GRID1: variants seen among roughly 807,000 people sequenced by gnomAD.
The protein encoded by GRID1 is glutamate receptor ionotropic, delta-1.
A neutral mutation model predicts 98.0 loss-of-function variants in GRID1; 28 were observed. The observed-to-expected ratio is 0.29, with a 90% CI of 0.21 to 0.39. The LOEUF (loss-of-function observed/expected upper bound fraction) is 0.39, where lower values mean the gene tolerates loss of function less well. Ranked by LOEUF, GRID1 falls within the 10% of genes least tolerant of loss-of-function variation. The pLI, the probability that GRID1 is intolerant of heterozygous loss-of-function variation, is 1.00. For synonymous variants in GRID1, 553 were observed against 538.5 expected (o/e 1.03, Z -0.37); for missense variants, 1,111 against 1,340.5 (o/e 0.83, Z 2.67).
rs546178878 is a variant in GRID1 at position 85,877,996 on chromosome 10, A to G, written c.781-8816T>C. On this transcript the variant is annotated intron_variant, in intron 5 of 15. Transcript: ENST00000327946. Reference sequence around the variant, plus strand: ...ATGCAGAAGCCTCAGGAGCCGATGCAATCGACTGGAAGAAAGGGTATCAGT... The same window carrying G: ...ATGCAGAAGCCTCAGGAGCCGATGCGATCGACTGGAAGAAAGGGTATCAGT... Among the ~76,000 whole-genome samples the G allele has an allele frequency of 5.0e-3, 768 of 152,358 alleles. 8 individuals are homozygous for G. Among genetic ancestry groups the G allele is most frequent in the Non-Finnish European group, 8.5e-3 (577 of 68,026 alleles).
chr10:85,880,865 T>A, intron 5 of GRID1, among the ~76,000 whole-genome samples: 1 of 152,182 alleles, frequency 6.6e-6, no homozygotes, highest in Non-Finnish European at 1.5e-5. Context: ...ATTGTATATC[T>A]AGAAAACACC....
chr10:85,752,148 C>A (rs1328771311), intron 8 of GRID1, among the ~76,000 whole-genome samples: 1 of 152,164 alleles, frequency 6.6e-6, no homozygotes, highest in African/African-American at 2.4e-5. Flanking sequence ...GACCAAAGCA[C>A]ATACAATCTC....
chr10:85,772,749 T>C (rs1842285777), intron 8 of GRID1, among the ~76,000 whole-genome samples: 2 of 152,130 alleles, frequency 1.3e-5, no homozygotes, highest in Non-Finnish European at 2.9e-5. Flanking sequence ...CCTCGACACA[T>C]ACACCCTCCC....
chr10:86,193,219 G>A (rs1245223272), intron 3 of GRID1, among the ~76,000 whole-genome samples: 1 of 152,048 alleles, frequency 6.6e-6, no homozygotes, highest in Non-Finnish European at 1.5e-5. Context: ...ATCGCCACCT[G>A]CAGCTGGGGT....
chr10:85,829,262 G>GT (rs1021968057), intron 8 of GRID1, among the ~76,000 whole-genome samples: 1 of 151,826 alleles, frequency 6.6e-6, no homozygotes, highest in Admixed American at 6.6e-5. Context: ...ATTCCTTAAT[G>GT]TTAAAAACCC....
chr10:86,040,651 A>T (rs1843333060), intron 4 of GRID1, among the ~76,000 whole-genome samples: 1 of 152,146 alleles, frequency 6.6e-6, no homozygotes, highest in Non-Finnish European at 1.5e-5. Flanking sequence ...TATGTTAGAT[A>T]GGAGGAATAA....
At chr10:86,133,861 G>A (rs577856830) in intron 4 of GRID1, among the ~76,000 whole-genome samples, 2 of 152,304 alleles carry the variant, frequency 1.3e-5, no homozygotes, top group African/African-American at 4.8e-5. Context: ...GGGCTGGGCA[G>A]GCTGCCCCGC....
At chr10:85,852,605 G>A (rs529100008) in intron 8 of GRID1, among the ~76,000 whole-genome samples, 21 of 152,356 alleles carry the variant, frequency 1.4e-4, no homozygotes, top group Admixed American at 3.9e-4. Flanking sequence ...AGGCAAGTGC[G>A]CCAGGACCGT....
chr10:85,931,960 G>A (rs1841855960), intron 4 of GRID1, among the ~76,000 whole-genome samples: 1 of 152,202 alleles, frequency 6.6e-6, no homozygotes, highest in South Asian at 2.1e-4. Flanking sequence ...CCAGAAGAGA[G>A]CACTCCAGCC....
At chr10:85,949,606 G>C (rs980047703) in intron 4 of GRID1, among the ~76,000 whole-genome samples, 1 of 152,084 alleles carries the variant, frequency 6.6e-6, no homozygotes, top group Non-Finnish European at 1.5e-5. Flanking sequence ...TTTGTGCTCT[G>C]ATGAGCACAA....
At chr10:85,745,550 T>C (rs1841987612) in intron 8 of GRID1, among the ~76,000 whole-genome samples, 1 of 127,814 alleles carries the variant, frequency 7.8e-6, no homozygotes, top group African/African-American at 3.1e-5. Flanking sequence ...GGAAGGGGAA[T>C]ATCACACTCT....
chr10:86,091,047 A>C (rs1417471765), intron 4 of GRID1, among the ~76,000 whole-genome samples: 1 of 152,206 alleles, frequency 6.6e-6, no homozygotes, highest in African/African-American at 2.4e-5. Flanking sequence ...TCAGGATGGC[A>C]GACAGAGAAG....
At chr10:85,986,945 A>G (rs1842615421) in intron 4 of GRID1, among the ~76,000 whole-genome samples, 1 of 152,062 alleles carries the variant, frequency 6.6e-6, no homozygotes, top group Admixed American at 6.5e-5. Context: ...CATCACAACC[A>G]CTACAGCTCC....
chr10:85,807,512 T>C (rs1411462250), intron 8 of GRID1, among the ~76,000 whole-genome samples: 1 of 152,082 alleles, frequency 6.6e-6, no homozygotes, highest in Non-Finnish European at 1.5e-5. Flanking sequence ...AGAAACTACA[T>C]GAAGAACTCT....
intron 8 of GRID1, among the ~76,000 whole-genome samples, chr10:85,826,363 GC>G (rs1842820128): frequency 6.6e-6 from 1 of 151,946 alleles, no homozygotes; most frequent in Admixed American, 6.6e-5. Flanking sequence ...CAAAACCCAA[GC>G]AAAAGTCTAG....
chr10:86,166,051 T>C (rs1056971962), intron 3 of GRID1, among the ~76,000 whole-genome samples: 9 of 152,236 alleles, frequency 5.9e-5, no homozygotes, highest in Admixed American at 6.5e-5. Flanking sequence ...ATGAGACCCA[T>C]GGATCAGCCT....
chr10:85,894,867 G>C (rs1432039556), intron 5 of GRID1, among the ~76,000 whole-genome samples: 1 of 151,532 alleles, frequency 6.6e-6, no homozygotes, highest in Non-Finnish European at 1.5e-5. Context: ...AATTAGCCCG[G>C]CATGGTGGTG....
At position 85,854,501 on chromosome 10, in the gene GRID1, G is replaced by A. The variant is rs752715356; in HGVS notation, c.1228C>T (p.Arg410Cys). Residue 410 changes from arginine to cysteine, a missense_variant, in exon 8 of 16, where the codon CGC becomes TGC. Physicochemically the swap from Arg to Cys is radical, Grantham distance 180. Coordinates refer to ENST00000327946, the MANE Select transcript of GRID1 (RefSeq NM_017551.3). ...ACAGGGAGCCTGAGGCTTACCTTGCGCATGTCTTTGCCAAAAGTCTCACTA... is the reference window on the plus strand; with the variant it reads ...ACAGGGAGCCTGAGGCTTACCTTGCACATGTCTTTGCCAAAAGTCTCACTA... ...TYSETFGKDM[R>C]KLATWDSEKG... 17 of 1,613,434 alleles carry A rather than the reference G, an allele frequency of 1.1e-5. No homozygotes were observed. Among genetic ancestry groups the A allele is most frequent in the African/African-American group, 5.3e-5 (4 of 74,900 alleles).
chr10:86,209,543 A>G (rs551293863), intron 2 of GRID1, among the ~76,000 whole-genome samples: 2 of 152,380 alleles, frequency 1.3e-5, no homozygotes, highest in South Asian at 4.1e-4. Context: ...GATTACAGCT[A>G]GGCAGAAAGC....
Sources: gnomAD v4.1 joint callset for allele counts (sites outside exome capture counted in the v4.1 genomes callset) on GRCh38, gnomAD v4.1.1 for gene constraint, MANE v1.5 for transcripts, NCBI Gene and HGNC (gene_info 2026-07-23, HGNC 2026-07-21) for gene names.